SLC35F4: variants seen among roughly 807,000 people sequenced by gnomAD.
SLC35F4 encodes the protein chromosome 14 open reading frame 36.
In SLC35F4, 24 loss-of-function variants were observed where a neutral mutation model predicts 44.2. The ratio of observed to expected loss-of-function variants is 0.54; its 90% CI spans 0.39 to 0.76. The LOEUF (loss-of-function observed/expected upper bound fraction) is 0.76, where lower values mean the gene tolerates loss of function less well. Among genes scored for constraint, SLC35F4 ranks in the 30% least tolerant of loss-of-function variants. The pLI, the probability that SLC35F4 is intolerant of heterozygous loss-of-function variation, is 0.00. For synonymous variants in SLC35F4, 238 were observed against 223.6 expected, an observed-to-expected ratio of 1.06 and a Z score of -0.57; for missense variants, 562 against 586.1, an observed-to-expected ratio of 0.96 and a Z score of 0.42.
At chr14:57,629,931 ATC>A in intron 1 of SLC35F4, 1 of 491,652 alleles carries the variant, frequency 2.0e-6, no homozygotes, top group South Asian at 1.6e-5. Flanking sequence ...CGCTGAACAC[ATC>A]TCTCTTCTTC....
At chr14:57,931,284 A>C (rs190430827) in intron 1 of SLC35F4, among the ~76,000 whole-genome samples, 2 of 152,216 alleles carry the variant, frequency 1.3e-5, no homozygotes, top group African/African-American at 2.4e-5. Context: ...CTAGAAAAAT[A>C]ATTTTCCAGT....
chr14:57,963,412 C>G (rs1009297289), intron 1 of SLC35F4, among the ~76,000 whole-genome samples: 15 of 152,152 alleles, frequency 9.9e-5, no homozygotes, highest in Admixed American at 9.8e-4. Flanking sequence ...GCTTGTTGCT[C>G]ACATCTTCTC....
chr14:57,744,016 A>T (rs1378681906), intron 1 of SLC35F4, among the ~76,000 whole-genome samples: 1 of 152,222 alleles, frequency 6.6e-6, no homozygotes, highest in Non-Finnish European at 1.5e-5. Flanking sequence ...CCTTCAACAA[A>T]AATTCAACAG....
At chr14:57,896,567 C>G (rs1595274860) in intron 1 of SLC35F4, among the ~76,000 whole-genome samples, 1 of 152,052 alleles carries the variant, frequency 6.6e-6, no homozygotes, top group Non-Finnish European at 1.5e-5. Context: ...AATGTGGGCT[C>G]TTTATTGCAT....
intron 1 of SLC35F4, among the ~76,000 whole-genome samples, chr14:57,845,592 A>G (rs755892722): frequency 4.6e-5 from 7 of 152,214 alleles, no homozygotes; most frequent in Non-Finnish European, 1.0e-4. Flanking sequence ...ATAATTTTCT[A>G]TTGAAAGCCA....
At chr14:57,889,637 C>G (rs1294364077) in intron 1 of SLC35F4, among the ~76,000 whole-genome samples, 2 of 152,100 alleles carry the variant, frequency 1.3e-5, no homozygotes, top group Non-Finnish European at 2.9e-5. Flanking sequence ...TGAGAACACA[C>G]AGGTAGAACA....
At position 57,582,357 on chromosome 14, in the gene SLC35F4, G is replaced by A. The variant is rs115892557; in HGVS notation, c.588-924C>T. On this transcript the variant is annotated intron_variant, in intron 3 of 7. Coordinates refer to ENST00000556826, the MANE Select transcript of SLC35F4 (RefSeq NM_001306087.2). ...ACTACAGGCACGCACCACCATGCCAGGCTAGTTTTTGAAATTTTTTTGTAG... is the reference window on the plus strand; with the variant it reads ...ACTACAGGCACGCACCACCATGCCAAGCTAGTTTTTGAAATTTTTTTGTAG... Among the ~76,000 whole-genome samples the A allele has an allele frequency of 2.1e-3, 314 of 152,172 alleles. 1 individual carries two copies. The highest frequency in any genetic ancestry group is 7.2e-3 in the African/African-American group (299 of 41,516).
At chr14:57,829,757 G>T (rs750513662) in intron 1 of SLC35F4, among the ~76,000 whole-genome samples, 5 of 152,164 alleles carry the variant, frequency 3.3e-5, no homozygotes, top group Non-Finnish European at 5.9e-5. Flanking sequence ...CTGGTTGTGT[G>T]TGATTCTGAG....
intron 1 of SLC35F4, among the ~76,000 whole-genome samples, chr14:57,656,264 C>T (rs184880226): frequency 6.6e-6 from 1 of 151,656 alleles, no homozygotes; most frequent in East Asian, 1.9e-4. Context: ...CACTTGGAAA[C>T]TGGCTCCTAT....
chr14:57,756,032 G>C (rs1161372703), intron 1 of SLC35F4, among the ~76,000 whole-genome samples: 2 of 152,132 alleles, frequency 1.3e-5, no homozygotes, highest in Non-Finnish European at 2.9e-5. Flanking sequence ...TTCCCTTCAT[G>C]GTCAGGGAAC....
intron 1 of SLC35F4, among the ~76,000 whole-genome samples, chr14:57,717,054 C>T (rs997175814): frequency 3.9e-5 from 6 of 152,098 alleles, no homozygotes; most frequent in Non-Finnish European, 8.8e-5. Flanking sequence ...TTTTATATGA[C>T]TTAATAGTAT....
intron 1 of SLC35F4, among the ~76,000 whole-genome samples, chr14:57,844,919 C>A (rs1885867745): frequency 6.8e-6 from 1 of 147,056 alleles, no homozygotes; most frequent in South Asian, 2.1e-4. Context: ...ATCTATCTCT[C>A]TCTGTCTCTG....
At chr14:57,948,096 T>C (rs1219637689) in intron 1 of SLC35F4, among the ~76,000 whole-genome samples, 1 of 152,190 alleles carries the variant, frequency 6.6e-6, no homozygotes, top group African/African-American at 2.4e-5. Context: ...TTTGGAATAG[T>C]TTCAGCAGGA....
At chr14:57,674,162 A>G (rs2074611346) in intron 1 of SLC35F4, among the ~76,000 whole-genome samples, 1 of 152,126 alleles carries the variant, frequency 6.6e-6, no homozygotes, top group Admixed American at 6.6e-5. Context: ...CCACAATAAG[A>G]TACCACTACA....
chr14:57,933,741 A>T (rs987058202), intron 1 of SLC35F4, among the ~76,000 whole-genome samples: 2 of 152,330 alleles, frequency 1.3e-5, no homozygotes, highest in East Asian at 3.9e-4. Context: ...GAAAAACCTT[A>T]AGGGATTTGA....
intron 1 of SLC35F4, among the ~76,000 whole-genome samples, chr14:57,788,771 C>T (rs997217499): frequency 5.9e-5 from 9 of 152,062 alleles, no homozygotes; most frequent in Admixed American, 1.3e-4. Flanking sequence ...GGAAGTCAAA[C>T]GCTCCTCGAC....
At chr14:57,885,529 A>G (rs1026444500) in intron 1 of SLC35F4, among the ~76,000 whole-genome samples, 18 of 152,042 alleles carry the variant, frequency 1.2e-4, no homozygotes, top group African/African-American at 4.3e-4. Context: ...ATCCTTTCAC[A>G]TACTTTCCCT....
intron 1 of SLC35F4, among the ~76,000 whole-genome samples, chr14:57,863,036 G>A (rs1595245340): frequency 6.6e-6 from 1 of 151,110 alleles, no homozygotes; most frequent in African/African-American, 2.5e-5. Context: ...TAAAAAAAAT[G>A]TTTAAATAAA....
At chr14:57,783,276 A>G (rs1242968382) in intron 1 of SLC35F4, among the ~76,000 whole-genome samples, 2 of 152,102 alleles carry the variant, frequency 1.3e-5, no homozygotes, top group African/African-American at 4.8e-5. Flanking sequence ...TTTTTAAAAT[A>G]TCAAGCAGCT....
Sources: allele counts gnomAD v4.1 joint callset (sites outside exome capture counted in the v4.1 genomes callset), GRCh38; gene constraint gnomAD v4.1.1; transcripts MANE v1.5; gene names NCBI Gene and HGNC (gene_info 2026-07-23, HGNC 2026-07-21).